The following CACNA2D3 variants were observed in gnomAD, a reference collection of about 807,000 sequenced individuals.
The protein encoded by CACNA2D3 is voltage-dependent calcium channel subunit alpha-2/delta-3.
CACNA2D3 carries 60 observed loss-of-function variants against 160.6 expected under a neutral mutation model. The ratio of observed to expected loss-of-function variants is 0.37; its 90% CI spans 0.30 to 0.46. The LOEUF (loss-of-function observed/expected upper bound fraction) is 0.46, where lower values mean the gene tolerates loss of function less well. CACNA2D3 is among the 20% of genes least tolerant of loss of function. The pLI is 1.00. For missense variants in CACNA2D3, 1,205 were observed against 1,365.0 expected (o/e 0.88, Z 1.85); for synonymous variants, 558 against 492.9 (o/e 1.13, Z -1.75).
At chr3:54,173,356 G>C (rs185029173) in intron 2 of CACNA2D3, among the ~76,000 whole-genome samples, 6 of 152,266 alleles carry the variant, frequency 3.9e-5, no homozygotes, top group African/African-American at 1.2e-4. Flanking sequence ...CCTTCTCCAT[G>C]ATTTGGGCAA....
At chr3:54,976,379 C>A (rs935814952) in intron 29 of CACNA2D3, among the ~76,000 whole-genome samples, 7 of 151,608 alleles carry the variant, frequency 4.6e-5, no homozygotes, top group East Asian at 1.9e-4. Flanking sequence ...ATACCTAATG[C>A]TAGATGACGA....
At chr3:54,511,952 C>A (rs150989833) in intron 5 of CACNA2D3, among the ~76,000 whole-genome samples, 1 of 152,198 alleles carries the variant, frequency 6.6e-6, no homozygotes, top group African/African-American at 2.4e-5. Context: ...GCAGCAGCAA[C>A]TGTTGCAGCC....
At chr3:54,565,663 T>A (rs1702398522) in intron 6 of CACNA2D3, among the ~76,000 whole-genome samples, 1 of 152,196 alleles carries the variant, frequency 6.6e-6, no homozygotes, top group Non-Finnish European at 1.5e-5. Context: ...TTATTTAAAA[T>A]TAAAATTAAA....
At chr3:54,969,907 T>C (rs1476335984) in intron 29 of CACNA2D3, 63 bp downstream of exon 29, 1 of 1,443,874 alleles carries the variant, frequency 6.9e-7, no homozygotes, top group East Asian at 2.3e-5. Context: ...TGGTGCTTTA[T>C]GACCGAGGGA....
chr3:55,033,491 T>G (rs1703720963), intron 35 of CACNA2D3, among the ~76,000 whole-genome samples: 1 of 150,646 alleles, frequency 6.6e-6, no homozygotes, highest in African/African-American at 2.4e-5. Flanking sequence ...TGCAACTCAT[T>G]TTTTTATACA....
chr3:54,506,990 CAT>C (rs565120891), intron 5 of CACNA2D3, among the ~76,000 whole-genome samples: 2 of 152,042 alleles, frequency 1.3e-5, no homozygotes, highest in Non-Finnish European at 2.9e-5. Flanking sequence ...TATATACACA[CAT>C]ATATATATAC....
chr3:54,752,728 A>G, intron 12 of CACNA2D3, 51 bp downstream of exon 12: 1 of 1,283,108 alleles, frequency 7.8e-7, no homozygotes, highest in East Asian at 2.4e-5. Flanking sequence ...CTACTTGTGC[A>G]GAATTAGGAA....
intron 5 of CACNA2D3, among the ~76,000 whole-genome samples, chr3:54,521,925 A>G (rs1157709771): frequency 1.3e-5 from 2 of 152,204 alleles, no homozygotes; most frequent in Non-Finnish European, 2.9e-5. Context: ...TTTTTATGCT[A>G]GTCCTGATTC....
chr3:54,480,946 A>G (rs535018016), intron 4 of CACNA2D3, among the ~76,000 whole-genome samples: 1 of 152,194 alleles, frequency 6.6e-6, no homozygotes, highest in South Asian at 2.1e-4. Context: ...CTTCTCACTC[A>G]TAGGCCTGAG....
At chr3:54,806,039 G>GA (rs1703112408) in intron 13 of CACNA2D3, among the ~76,000 whole-genome samples, 2 of 152,158 alleles carry the variant, frequency 1.3e-5, no homozygotes, top group Non-Finnish European at 1.5e-5. Context: ...ATTAGGTATT[G>GA]ATGAGACATA....
intron 4 of CACNA2D3, among the ~76,000 whole-genome samples, chr3:54,433,827 C>A (rs1700023495): frequency 6.6e-6 from 1 of 152,112 alleles, no homozygotes; most frequent in Non-Finnish European, 1.5e-5. Context: ...AAAAGGGTGG[C>A]CTAATAGCAT....
At chr3:54,530,918 C>T (rs945666646) in intron 5 of CACNA2D3, among the ~76,000 whole-genome samples, 1 of 152,200 alleles carries the variant, frequency 6.6e-6, no homozygotes, top group African/African-American at 2.4e-5. Flanking sequence ...TGAGACCGGC[C>T]TAGCTGTTTC....
At chr3:54,777,841 C>T (rs1248344505) in intron 13 of CACNA2D3, among the ~76,000 whole-genome samples, 1 of 152,222 alleles carries the variant, frequency 6.6e-6, no homozygotes, top group Non-Finnish European at 1.5e-5. Context: ...AGTGCAGGGA[C>T]ATCTTGAGAC....
At chr3:54,527,335 A>G (rs1701741269) in intron 5 of CACNA2D3, among the ~76,000 whole-genome samples, 1 of 152,118 alleles carries the variant, frequency 6.6e-6, no homozygotes. Flanking sequence ...ATTTCAAACT[A>G]TTTGTTTTAT....
intron 10 of CACNA2D3, among the ~76,000 whole-genome samples, chr3:54,634,809 A>G (rs1356313085): frequency 6.6e-6 from 1 of 152,138 alleles, no homozygotes; most frequent in Admixed American, 6.5e-5. Flanking sequence ...GTGGAATGTC[A>G]TCAGTTAAGG....
At chr3:54,867,594 A>C (rs969998250) in intron 17 of CACNA2D3, among the ~76,000 whole-genome samples, 3 of 151,582 alleles carry the variant, frequency 2.0e-5, no homozygotes, top group Non-Finnish European at 4.4e-5. Context: ...TGATACATGA[A>C]ACATCCAAGG....
intron 13 of CACNA2D3, among the ~76,000 whole-genome samples, chr3:54,810,291 C>T (rs1342875573): frequency 6.6e-6 from 1 of 152,108 alleles, no homozygotes. Flanking sequence ...CCTGGAGAGA[C>T]CAGATGAGCA....
At chr3:54,636,183 T>C (rs527638835) in intron 10 of CACNA2D3, among the ~76,000 whole-genome samples, 12 of 152,046 alleles carry the variant, frequency 7.9e-5, no homozygotes, top group Admixed American at 7.8e-4. Context: ...GCTAGTACTA[T>C]AGCATAGCCT....
At chr3:54,996,265 C>A (rs1702857320) in intron 31 of CACNA2D3, among the ~76,000 whole-genome samples, 1 of 152,198 alleles carries the variant, frequency 6.6e-6, no homozygotes. Flanking sequence ...TTAACTCATT[C>A]CCAAAGCAGA....
Sources: allele counts gnomAD v4.1 joint callset (sites outside exome capture counted in the v4.1 genomes callset), GRCh38; gene constraint gnomAD v4.1.1; transcripts MANE v1.5; gene names NCBI Gene and HGNC (gene_info 2026-07-23, HGNC 2026-07-21).